Variants in HACD2 observed in about 807,000 individuals in gnomAD.
HACD2 encodes very-long-chain (3R)-3-hydroxyacyl-CoA dehydratase 2.
In HACD2, 15 loss-of-function variants were observed where a neutral mutation model predicts 31.0. The observed-to-expected ratio is 0.48, with a 90% CI of 0.32 to 0.75. The LOEUF is 0.75. Ranked by LOEUF, HACD2 falls within the 30% of genes least tolerant of loss-of-function variation. The pLI is 0.03. For missense variants in HACD2, 283 were observed against 313.0 expected, an observed-to-expected ratio of 0.90 and a Z score of 0.72; for synonymous variants, 115 against 122.2, an observed-to-expected ratio of 0.94 and a Z score of 0.39.
At chr3:123,507,892 G>A (rs10212295) in intron 4 of HACD2, among the ~76,000 whole-genome samples, 18,763 of 151,946 alleles carry the variant, frequency 0.12, 1,501 homozygotes, top group African/African-American at 0.22. Context: ...TTATACTTCT[G>A]TAAAGTTATT....
intron 3 of HACD2, among the ~76,000 whole-genome samples, chr3:123,529,767 T>C (rs773088248): frequency 6.6e-6 from 1 of 152,106 alleles, no homozygotes; most frequent in Non-Finnish European, 1.5e-5. Flanking sequence ...TAAATAAATG[T>C]ATAAATGAAT....
intron 1 of HACD2, chr3:123,584,628 C>T (rs1576254073): frequency 3.0e-6 from 1 of 334,892 alleles, no homozygotes. Flanking sequence ...GCCCGGCAGC[C>T]GTCCCCGCGC....
At chr3:123,563,638 TATATATAC>T (rs1436316938) in intron 3 of HACD2, among the ~76,000 whole-genome samples, 13 of 76,648 alleles carry the variant, frequency 1.7e-4, no homozygotes, top group African/African-American at 1.1e-3. Context: ...GACAAAAAAA[TATATATAC>T]ACACACACAC....
intron 3 of HACD2, among the ~76,000 whole-genome samples, chr3:123,558,487 G>T (rs1043328046): frequency 1.3e-5 from 2 of 152,166 alleles, no homozygotes; most frequent in Non-Finnish European, 2.9e-5. Flanking sequence ...GATAATGGGA[G>T]ACTATGCATG....
intron 4 of HACD2, among the ~76,000 whole-genome samples, chr3:123,507,015 T>C: frequency 6.6e-6 from 1 of 152,146 alleles, no homozygotes; most frequent in East Asian, 1.9e-4. Context: ...CCCAGTGTTT[T>C]GGGAGGCTGA....
At position 123,581,501 on chromosome 3, in the gene HACD2, T is replaced by C. The variant is rs151018729; in HGVS notation, c.273+711A>G. On this transcript the variant is annotated intron_variant, in intron 2 of 6. Coordinates refer to ENST00000383657, the MANE Select transcript of HACD2 (RefSeq NM_198402.5). The stretch of plus-strand genomic sequence containing the variant: ...TAAACACCCTCCCTGTTTCCCACCA[T>C]GTGGAGAGCCCAAGACCAACATTCA... 3.5e-3 allele frequency among the ~76,000 whole-genome samples: 534 copies of C among 152,194 alleles called. 3 individuals carry two copies. Among genetic ancestry groups the C allele is most frequent in the African/African-American group, 0.012 (511 of 41,514 alleles).
intron 4 of HACD2, among the ~76,000 whole-genome samples, chr3:123,527,526 C>CTTATT (rs2056299112): frequency 6.6e-6 from 1 of 152,114 alleles, no homozygotes; most frequent in Non-Finnish European, 1.5e-5. Context: ...TCAAGTAACC[C>CTTATT]TTATTTTATT....
intron 4 of HACD2, among the ~76,000 whole-genome samples, chr3:123,518,375 T>G (rs1054782122): frequency 6.6e-5 from 10 of 152,302 alleles, no homozygotes; most frequent in Admixed American, 5.2e-4. Context: ...GCATGCACCC[T>G]CCAGTCACCA....
chr3:123,582,363 T>C (rs1488701777), intron 1 of HACD2, 34 bp from the exon 2 acceptor site: 2 of 1,430,464 alleles, frequency 1.4e-6, no homozygotes, highest in East Asian at 2.4e-5. Flanking sequence ...CAGGAAAAAA[T>C]AAAAATAAAA....
chr3:123,544,197 A>G (rs2107723578), intron 3 of HACD2, among the ~76,000 whole-genome samples: 1 of 152,314 alleles, frequency 6.6e-6, no homozygotes, highest in East Asian at 1.9e-4. Flanking sequence ...AAAGACACAC[A>G]CTGAAAACAC....
chr3:123,546,274 G>A (rs2107726327), intron 3 of HACD2, among the ~76,000 whole-genome samples: 1 of 152,268 alleles, frequency 6.6e-6, no homozygotes. Context: ...CAAGTGGATG[G>A]ACTCATGGAT....
chr3:123,564,245 A>G (rs1396853946), intron 3 of HACD2, among the ~76,000 whole-genome samples: 3 of 152,176 alleles, frequency 2.0e-5, no homozygotes, highest in Non-Finnish European at 4.4e-5. Context: ...ACAGGGCTGG[A>G]GTCTGGGATG....
intron 4 of HACD2, among the ~76,000 whole-genome samples, chr3:123,527,919 G>T (rs2056304975): frequency 6.6e-6 from 1 of 152,178 alleles, no homozygotes. Flanking sequence ...TGGGGGTTTT[G>T]GAATGTATTC....
intron 3 of HACD2, among the ~76,000 whole-genome samples, chr3:123,545,163 G>T (rs111550261): frequency 2.7e-4 from 37 of 136,168 alleles, no homozygotes; most frequent in African/African-American, 9.8e-4. Context: ...TTTAAACAAT[G>T]TGTATGTGTT....
intron 4 of HACD2, among the ~76,000 whole-genome samples, chr3:123,507,660 T>G (rs1559900918): frequency 2.0e-5 from 3 of 152,114 alleles, no homozygotes; most frequent in African/African-American, 7.2e-5. Flanking sequence ...TATTTCACAT[T>G]GCATCCCTGT....
chr3:123,495,176 A>G (rs2055817652), intron 6 of HACD2, among the ~76,000 whole-genome samples: 1 of 152,208 alleles, frequency 6.6e-6, no homozygotes, highest in Non-Finnish European at 1.5e-5. Context: ...TGAGGGAAGA[A>G]GTGGTGTGGA....
chr3:123,514,603 G>A (rs1014702199), intron 4 of HACD2, among the ~76,000 whole-genome samples: 5 of 152,070 alleles, frequency 3.3e-5, no homozygotes, highest in African/African-American at 7.2e-5. Flanking sequence ...ATCAACAAGC[G>A]TACATGAATG....
intron 4 of HACD2, among the ~76,000 whole-genome samples, chr3:123,508,868 T>C (rs1376978974): frequency 6.6e-6 from 1 of 152,136 alleles, no homozygotes; most frequent in African/African-American, 2.4e-5. Flanking sequence ...GCATGATTGG[T>C]TTCTGGTGAG....
chr3:123,580,531 C>G (rs2056954343), intron 2 of HACD2, among the ~76,000 whole-genome samples: 1 of 151,898 alleles, frequency 6.6e-6, no homozygotes, highest in Non-Finnish European at 1.5e-5. Context: ...CGCCTGTAAT[C>G]TCAGTGCTTT....
Sources: gnomAD v4.1 joint callset for allele counts (sites outside exome capture counted in the v4.1 genomes callset) on GRCh38, gnomAD v4.1.1 for gene constraint, MANE v1.5 for transcripts, NCBI Gene and HGNC (gene_info 2026-07-23, HGNC 2026-07-21) for gene names.